Variants in GSR observed in about 807,000 individuals in gnomAD.
GSR encodes glutathione-disulfide reductase.
A neutral mutation model predicts 56.5 loss-of-function variants in GSR; 48 were observed. The ratio of observed to expected loss-of-function variants is 0.85; its 90% CI spans 0.67 to 1.08. The LOEUF (loss-of-function observed/expected upper bound fraction) is 1.08, where lower values mean the gene tolerates loss of function less well. Among genes scored for constraint, GSR ranks in the 50% least tolerant of loss-of-function variants. The pLI, the probability that GSR is intolerant of heterozygous loss-of-function variation, is 0.00. For missense variants in GSR, 694 were observed against 703.3 expected, an observed-to-expected ratio of 0.99 and a Z score of 0.15; for synonymous variants, 264 against 270.8, an observed-to-expected ratio of 0.97 and a Z score of 0.25.
At chr8:30,706,781 A>G (rs1353977289) in intron 4 of GSR, among the ~76,000 whole-genome samples, 2 of 152,198 alleles carry the variant, frequency 1.3e-5, no homozygotes, top group Non-Finnish European at 2.9e-5. Context: ...TGTCATTCAT[A>G]AAAACAACCT....
chr8:30,693,976 T>G (rs549881236), intron 7 of GSR, among the ~76,000 whole-genome samples: 1 of 152,218 alleles, frequency 6.6e-6, no homozygotes, highest in Non-Finnish European at 1.5e-5. Flanking sequence ...ACCCCCTTTA[T>G]TGACAGACTG....
In GSR at chr8:30,682,011, C is replaced by G; in HGVS notation, c.1204G>C (p.Glu402Gln). The change falls in exon 11 of 13, where the codon GAA (glutamate) becomes CAA (glutamine). Residue 402 changes from glutamate (E) to glutamine (Q), a missense_variant. Transcript: ENST00000221130. Reference sequence around the variant, plus strand: ...TTGTTATAATCTAATTTGGAATCTTCCTTATATTCAAAAAGTCGATGGGCA... The same window carrying G: ...TTGTTATAATCTAATTTGGAATCTTGCTTATATTCAAAAAGTCGATGGGCA... ...KLAHRLFEYK[E>Q]DSKLDYNNIP... The G allele has an allele frequency of 6.2e-7, 1 of 1,613,088 alleles. No individual in the cohort carries two copies. Among genetic ancestry groups the G allele is most frequent in the Non-Finnish European group, 8.5e-7 (1 of 1,179,042 alleles).
At chr8:30,689,083 TGGGTG>T in intron 9 of GSR, 73 bp downstream of exon 9, 1 of 1,283,286 alleles carries the variant, frequency 7.8e-7, no homozygotes, top group Non-Finnish European at 1.1e-6. Flanking sequence ...ACCCAAGTTT[TGGGTG>T]TCTGGGGGGA....
chr8:30,685,248 C>T (rs1803121470), intron 9 of GSR, among the ~76,000 whole-genome samples: 1 of 152,084 alleles, frequency 6.6e-6, no homozygotes, highest in Admixed American at 6.6e-5. Flanking sequence ...GCGTGAACCA[C>T]CACGCCTAGC....
At chr8:30,720,172 C>A (rs1204541864) in intron 1 of GSR, among the ~76,000 whole-genome samples, 1 of 152,064 alleles carries the variant, frequency 6.6e-6, no homozygotes, top group Non-Finnish European at 1.5e-5. Flanking sequence ...TATATTGCAC[C>A]ACTGCACTCC....
chr8:30,689,160 CCA>C lies in GSR; in HGVS notation c.1040_1041del (p.Leu347ArgfsTer6). On this transcript the variant is annotated frameshift_variant and splice_region_variant, in exon 9 of 13. Coordinates refer to ENST00000221130, the MANE Select transcript of GSR (RefSeq NM_000637.5). LOFTEE classifies it high-confidence loss of function. ...GTTTCGGGCAGACCAAGCCAGCTTA[CCA>C]GTTTGTTTAAACTCAGGTCCTTGGT... ...PNTKDLSLNK[L>X]GIQTDDKGHI... 1 of 1,613,768 alleles carries C rather than the reference CCA, an allele frequency of 6.2e-7. No homozygotes were observed. The highest frequency in any genetic ancestry group is 8.5e-7 in the Non-Finnish European group (1 of 1,179,752).
intron 1 of GSR, among the ~76,000 whole-genome samples, chr8:30,723,485 C>T (rs987393066): frequency 2.6e-5 from 4 of 151,948 alleles, no homozygotes; most frequent in Middle Eastern, 3.2e-3. Context: ...GAGGGAGACC[C>T]TGTCTCTTAA....
In GSR at chr8:30,727,792, C is replaced by T. The variant is rs1804800252; in HGVS notation, c.44G>A (p.Ser15Asn). Reference protein sequence around the residue: ...PRALSAGAGPSWRRAARAFRG... With the variant: ...PRALSAGAGPNWRRAARAFRG... ...GAAGGCGCGCGCCGCCCGCCGCCAG[C>T]TCGGTCCCGCGCCGGCGCTCAGGGC... Residue 15 changes from serine to asparagine, a missense_variant, in exon 1 of 13, where the codon AGC becomes AAC. Transcript: ENST00000221130. The T allele has an allele frequency of 7.5e-7, 1 of 1,341,522 alleles. No individual in the cohort carries two copies. Among genetic ancestry groups the T allele is most frequent in the Non-Finnish European group, 9.6e-7 (1 of 1,046,570 alleles). The allele number at this position is 1,341,522 out of a possible 1,614,324, so 83.1% of individuals were successfully genotyped here. A position where few individuals can be genotyped will look rare whatever the true frequency, so the allele number is the denominator to read the frequency against.
intron 1 of GSR, chr8:30,726,983 C>T (rs889066025): frequency 1.3e-5 from 2 of 152,334 alleles, no homozygotes; most frequent in Non-Finnish European, 2.9e-5. Context: ...GGAAACATCC[C>T]AAAGCCCAAG....
Position 30,696,421 on chromosome 8 carries a change from C to T in GSR, c.754G>A (p.Ala252Thr). The T allele has an allele frequency of 6.2e-7, 1 of 1,613,122 alleles. No individual in the cohort carries two copies. Among genetic ancestry groups the T allele is most frequent in the Non-Finnish European group, 8.5e-7 (1 of 1,179,052 alleles). ...ATCAGTGATGTCTTAGAACCCAGGG[C>T]TGACAGGATCCCTGCCATCTCCACA... Reference protein sequence around the residue: ...IAVEMAGILSALGSKTSLMIR... With the variant: ...IAVEMAGILSTLGSKTSLMIR... Residue 252 changes from alanine (A) to threonine (T), a missense_variant, in exon 7 of 13, where the codon GCC becomes ACC. Coordinates refer to ENST00000221130, the MANE Select transcript of GSR (RefSeq NM_000637.5).
intron 1 of GSR, among the ~76,000 whole-genome samples, chr8:30,724,631 C>G (rs954159053): frequency 1.4e-4 from 19 of 138,320 alleles, no homozygotes; most frequent in African/African-American, 4.2e-4. Context: ...TCACTGCAAC[C>G]TCTGCCTCCT....
chr8:30,716,973 T>C (rs8190912), intron 1 of GSR, among the ~76,000 whole-genome samples: 1,830 of 150,984 alleles, frequency 0.012, 39 homozygotes, highest in African/African-American at 0.041. Flanking sequence ...CATGGTGGCT[T>C]ATGCCTGTAA....
chr8:30,694,107 T>C (rs1803473795), intron 7 of GSR, among the ~76,000 whole-genome samples: 5 of 152,206 alleles, frequency 3.3e-5, no homozygotes, highest in Admixed American at 3.3e-4. Context: ...AAAAATATTA[T>C]TCAGGACCTC....
intron 7 of GSR, among the ~76,000 whole-genome samples, chr8:30,694,788 A>G (rs1274729878): frequency 2.0e-5 from 3 of 148,098 alleles, no homozygotes; most frequent in Non-Finnish European, 4.4e-5. Flanking sequence ...AGTCCTGGCT[A>G]TTTGGGAGGC....
At position 30,709,861 on chromosome 8, in the gene GSR, A is replaced by G; in HGVS notation, c.375T>C (p.Asp125=). ...NTAVHSEFMH[D]HADYGFPSCE... ...AACTTGGAAAGCCATAATCAGCATG[A>G]TCATGCATGAATTCAGAGTGGACAG... is the stretch of plus-strand genomic sequence containing the variant. The change falls in exon 3 of 13, where the codon GAT becomes GAC. Residue 125 remains aspartate (D), a synonymous_variant. Coordinates refer to ENST00000221130, the MANE Select transcript of GSR (RefSeq NM_000637.5). 1 of 1,575,588 alleles carries G rather than the reference A, an allele frequency of 6.3e-7. No homozygotes were observed. Among genetic ancestry groups the G allele is most frequent in the Non-Finnish European group, 8.7e-7 (1 of 1,146,782 alleles).
At chr8:30,725,361 G>A (rs549199672) in intron 1 of GSR, among the ~76,000 whole-genome samples, 5 of 151,660 alleles carry the variant, frequency 3.3e-5, no homozygotes, top group Non-Finnish European at 5.9e-5. Flanking sequence ...TGAGGTGAGC[G>A]GATCACAAGG....
At chr8:30,710,082 G>A (rs1453583667) in intron 2 of GSR, among the ~76,000 whole-genome samples, 180 bp from the exon 3 acceptor site, 4 of 152,104 alleles carry the variant, frequency 2.6e-5, no homozygotes, top group Non-Finnish European at 4.4e-5. Context: ...TTGGGAGCCC[G>A]AGGCAGGTGG....
intron 4 of GSR, among the ~76,000 whole-genome samples, chr8:30,706,555 A>C (rs535053690): frequency 2.0e-5 from 3 of 152,274 alleles, no homozygotes; most frequent in African/African-American, 7.2e-5. Flanking sequence ...TCTTAGAAAC[A>C]GCAAAGTGAG....
At chr8:30,681,163 A>C in intron 11 of GSR, 126 bp from the exon 12 acceptor site, 3 of 785,914 alleles carry the variant, frequency 3.8e-6, no homozygotes, top group Non-Finnish European at 6.7e-6. Context: ...ACCACGCCAA[A>C]ATGAGAAGTA....
Sources: allele counts gnomAD v4.1 joint callset (sites outside exome capture counted in the v4.1 genomes callset), GRCh38; gene constraint gnomAD v4.1.1; transcripts MANE v1.5; gene names NCBI Gene and HGNC (gene_info 2026-07-23, HGNC 2026-07-21).